Variants in FOXK2 observed in about 807,000 individuals in gnomAD.
FOXK2 encodes forkhead box protein K2.
A neutral mutation model predicts 53.3 loss-of-function variants in FOXK2; 24 were observed. The observed-to-expected ratio is 0.45, with a 90% CI of 0.33 to 0.63. FOXK2 has a LOEUF of 0.63. Ranked by LOEUF, FOXK2 falls within the 30% of genes least tolerant of loss-of-function variation. FOXK2 has a pLI of 0.03. For synonymous variants in FOXK2, 505 were observed against 407.1 expected, an observed-to-expected ratio of 1.24 and a Z score of -2.89; for missense variants, 952 against 910.5, an observed-to-expected ratio of 1.05 and a Z score of -0.59.
rs1185597025 is a variant in FOXK2 at position 82,573,562 on chromosome 17, T to TCTCACACACA, written c.909+1693_909+1694insTCACACACAC. On this transcript the variant is annotated intron_variant, in intron 4 of 8. Coordinates refer to ENST00000335255, the MANE Select transcript of FOXK2 (RefSeq NM_004514.4). ...CTCTCTCTCTCTCTCTCTCTCTCTCTCACACACACACACACACACACACAC... is the reference window on the plus strand; with the variant it reads ...CTCTCTCTCTCTCTCTCTCTCTCTCTCTCACACACACACACACACACACACACACACACAC... Among the ~76,000 whole-genome samples the TCTCACACACA allele has an allele frequency of 6.4e-3, 533 of 83,340 alleles. 1 individual carries two copies. The highest frequency in any genetic ancestry group is 0.016 in the Middle Eastern group (3 of 186). The allele number at this position is 83,340 out of a possible 152,430, so 54.7% of individuals were successfully genotyped here. A position where few individuals can be genotyped will look rare whatever the true frequency, so the allele number is the denominator to read the frequency against.
chr17:82,561,346 G>T (rs1463563229), intron 1 of FOXK2, among the ~76,000 whole-genome samples: 2 of 151,868 alleles, frequency 1.3e-5, no homozygotes, highest in African/African-American at 4.8e-5. Context: ...CTGGAAGTGG[G>T]GATTTTGGAG....
At chr17:82,592,337 T>C (rs762514879) in intron 8 of FOXK2, among the ~76,000 whole-genome samples, 1 of 152,248 alleles carries the variant, frequency 6.6e-6, no homozygotes, top group Non-Finnish European at 1.5e-5. Context: ...CTCCGGCCTC[T>C]CTACTGTCCT....
intron 6 of FOXK2, 73 bp from the exon 7 acceptor site, chr17:82,585,831 G>T: frequency 3.4e-6 from 5 of 1,477,252 alleles, no homozygotes; most frequent in Non-Finnish European, 4.7e-6. Context: ...TTGCTTGTCA[G>T]TGCTGAGTGT....
At chr17:82,593,524 C>T (rs2143160081) in intron 8 of FOXK2, 1 of 152,480 alleles carries the variant, frequency 6.6e-6, no homozygotes, top group Admixed American at 6.5e-5. Context: ...TAGCCCCACG[C>T]CTGCAGGCCA....
intron 1 of FOXK2, among the ~76,000 whole-genome samples, chr17:82,531,732 A>G (rs1023598955): frequency 6.6e-6 from 1 of 152,264 alleles, no homozygotes; most frequent in Non-Finnish European, 1.5e-5. Flanking sequence ...ACTTAGTGTC[A>G]GCAGAGCTTG....
intron 1 of FOXK2, among the ~76,000 whole-genome samples, chr17:82,552,725 G>C (rs1401913037): frequency 3.3e-5 from 5 of 152,238 alleles, no homozygotes; most frequent in South Asian, 2.1e-4. Flanking sequence ...CCCTGGTGTC[G>C]TTTTGTGCCG....
intron 1 of FOXK2, among the ~76,000 whole-genome samples, chr17:82,522,321 C>G (rs2044371365): frequency 6.6e-6 from 1 of 151,320 alleles, no homozygotes; most frequent in Admixed American, 6.6e-5. Flanking sequence ...GAGCTATGAT[C>G]TCACCACTCC....
At chr17:82,547,201 TA>T (rs1255109363) in intron 1 of FOXK2, among the ~76,000 whole-genome samples, 1 of 152,160 alleles carries the variant, frequency 6.6e-6, no homozygotes, top group South Asian at 2.1e-4. Context: ...GTGTTTAGAA[TA>T]TTCAGGGTGT....
In FOXK2 at chr17:82,584,175, C is replaced by T. The variant is rs746684608; in HGVS notation, c.1266C>T (p.Ala422=). Residue 422 remains alanine, a synonymous_variant, in exon 6 of 9, where the codon GCC becomes GCT. Coordinates refer to ENST00000335255, the MANE Select transcript of FOXK2 (RefSeq NM_004514.4). ...CTGTCATCCAGGAAGCCCGGTTTGC[C>T]CAGAGCGCCCCAGGTGAGACAGCGG... ...KLAVIQEARF[A]QSAPGSPLSS... The T allele has an allele frequency of 2.5e-6, 4 of 1,602,008 alleles. No individual in the cohort carries two copies. The highest frequency in any genetic ancestry group is 3.4e-6 in the Non-Finnish European group (4 of 1,175,290).
intron 1 of FOXK2, among the ~76,000 whole-genome samples, chr17:82,524,916 C>G (rs189511487): frequency 2.6e-5 from 4 of 150,958 alleles, no homozygotes; most frequent in Non-Finnish European, 4.4e-5. Flanking sequence ...CTGCCTGGGT[C>G]TGGTGGGGAG....
intron 6 of FOXK2, among the ~76,000 whole-genome samples, chr17:82,584,824 G>A (rs1028239182): frequency 2.6e-5 from 4 of 152,078 alleles, no homozygotes; most frequent in African/African-American, 9.7e-5. Context: ...AGTGCTGGGC[G>A]TACAGGCGTG....
At chr17:82,560,552 GA>G (rs1458973324) in intron 1 of FOXK2, among the ~76,000 whole-genome samples, 1 of 152,200 alleles carries the variant, frequency 6.6e-6, no homozygotes, top group Non-Finnish European at 1.5e-5. Context: ...TCTTTTGTTT[GA>G]CTGATTCTTT....
Position 82,520,327 on chromosome 17 carries a change from G to T in FOXK2, c.419+20G>T. 2.4e-6 allele frequency: 3 copies of T among 1,254,034 alleles called. No homozygotes were observed. Among genetic ancestry groups the T allele is most frequent in the Non-Finnish European group, 3.0e-6 (3 of 994,602 alleles). 77.7% of individuals were successfully genotyped at this position (1,254,034 alleles called of 1,614,324 possible). On this transcript the variant is annotated intron_variant, in intron 1 of 8. Transcript: ENST00000335255. ...GCGCGTGTGAGTGGCCTCGGGGCGGGGCGGGCGGGGTCTGCGGCCTGCAGC... is the reference window on the plus strand; with the variant it reads ...GCGCGTGTGAGTGGCCTCGGGGCGGTGCGGGCGGGGTCTGCGGCCTGCAGC...
At position 82,520,230 on chromosome 17, in the gene FOXK2, C is replaced by T. The variant is rs1331391766; in HGVS notation, c.342C>T (p.Arg114=). The change falls in exon 1 of 9, where the codon CGC becomes CGT. Residue 114 remains arginine (R), a synonymous_variant. Transcript: ENST00000335255. ...RPDAGGDFYL[R]CLGKNGVFVD... ...ACGCCGGCGGCGACTTCTACCTGCG[C>T]TGCTTGGGCAAGAACGGGGTATTCG... 1.5e-6 allele frequency: 2 copies of T among 1,319,154 alleles called. No individual in the cohort carries two copies. Among genetic ancestry groups the T allele is most frequent in the Non-Finnish European group, 1.9e-6 (2 of 1,035,130 alleles). 81.7% of individuals were successfully genotyped at this position (1,319,154 alleles called of 1,614,324 possible).
chr17:82,577,334 A>G (rs1469057452), intron 4 of FOXK2: 2 of 786,578 alleles, frequency 2.5e-6, no homozygotes, highest in Admixed American at 4.2e-5. Flanking sequence ...CACAACAGCA[A>G]ATTCATCAGA....
chr17:82,519,912 C>G lies in FOXK2; in HGVS notation c.24C>G (p.Leu8=), dbSNP rs1275288826. ...CCATGGCGGCGGCCGCGGCGGCGCT[C>G]TCGGGCGCGGGCACGCCACCCGCGG... MAAAAAA[L]SGAGTPPAGG... is the part of the protein sequence containing the mutation. The change falls in exon 1 of 9, where the codon CTC becomes CTG. Residue 8 remains leucine, a synonymous_variant. Transcript: ENST00000335255. The G allele has an allele frequency of 1.2e-5, 12 of 978,072 alleles. No individual in the cohort carries two copies. The South Asian group carries it at 4.7e-4, about 38-fold the overall frequency. 60.6% of individuals were successfully genotyped at this position (978,072 alleles called of 1,614,324 possible).
chr17:82,568,000 G>A (rs1347225529), intron 2 of FOXK2, 54 bp from the exon 3 acceptor site: 2 of 1,449,162 alleles, frequency 1.4e-6, no homozygotes, highest in Admixed American at 2.8e-5. Context: ...CTGAAGCACA[G>A]TAGGATGCGT....
chr17:82,576,563 G>T, intron 4 of FOXK2: 1 of 745,200 alleles, frequency 1.3e-6, no homozygotes, highest in East Asian at 2.6e-5. Flanking sequence ...TGAGCCTGTT[G>T]GGCTGGTGAC....
chr17:82,589,907 G>A (rs1461277265), intron 8 of FOXK2, among the ~76,000 whole-genome samples: 1 of 152,168 alleles, frequency 6.6e-6, no homozygotes, highest in African/African-American at 2.4e-5. Flanking sequence ...TTAGCCGGGT[G>A]TGGTGGCACA....
Sources: allele counts gnomAD v4.1 joint callset (sites outside exome capture counted in the v4.1 genomes callset), GRCh38; gene constraint gnomAD v4.1.1; transcripts MANE v1.5; gene names NCBI Gene and HGNC (gene_info 2026-07-23, HGNC 2026-07-21).